Variants in ZBTB8A observed in about 807,000 individuals in gnomAD.
ZBTB8A encodes zinc finger and BTB domain containing 8A.
Under a neutral mutation model 37.8 loss-of-function variants are expected in ZBTB8A, and 19 were observed. The ratio of observed to expected loss-of-function variants is 0.50; its 90% CI spans 0.35 to 0.74. The LOEUF (loss-of-function observed/expected upper bound fraction) is 0.74, where lower values mean the gene tolerates loss of function less well. Ranked by LOEUF, ZBTB8A falls within the 30% of genes least tolerant of loss-of-function variation. ZBTB8A has a pLI of 0.01. For synonymous variants in ZBTB8A, 181 were observed against 185.2 expected (o/e 0.98, Z 0.19); for missense variants, 394 against 537.8 (o/e 0.73, Z 2.65).
intron 1 of ZBTB8A, among the ~76,000 whole-genome samples, chr1:32,547,500 G>A (rs1385629665): frequency 1.3e-5 from 2 of 151,008 alleles, no homozygotes; most frequent in African/African-American, 2.4e-5. Context: ...TGGGACTACA[G>A]GTTCGAGCCA....
Position 32,593,602 on chromosome 1 carries a change from AT to A in ZBTB8A, c.672del (p.Tyr224Ter). Reference sequence around the variant, plus strand: ...TCACAGCCTTCTGAAGTTACTCATTATAAGTCAAGCAAACGAGAAGTACGAA... The same window carrying A: ...TCACAGCCTTCTGAAGTTACTCATTAAAGTCAAGCAAACGAGAAGTACGAA... Reference protein sequence around the residue: ...RLSQPSEVTHYKSSKREVRTS... With the variant: ...RLSQPSEVTHXKSSKREVRTS... On this transcript the variant is annotated frameshift_variant, in exon 3 of 5. Coordinates refer to ENST00000373510, the MANE Select transcript of ZBTB8A (RefSeq NM_001040441.3). LOFTEE classifies it high-confidence loss of function. The A allele has an allele frequency of 6.2e-7, 1 of 1,614,258 alleles. No individual in the cohort carries two copies. Among genetic ancestry groups the A allele is most frequent in the Non-Finnish European group, 8.5e-7 (1 of 1,180,048 alleles).
chr1:32,553,435 A>G (rs1185362022), intron 1 of ZBTB8A, 24 bp from the exon 2 acceptor site: 1 of 152,168 alleles, frequency 6.6e-6, no homozygotes, highest in Non-Finnish European at 1.5e-5. Flanking sequence ...GTACATTATA[A>G]ATATCTGTTT....
intron 2 of ZBTB8A, among the ~76,000 whole-genome samples, chr1:32,579,304 G>T (rs549651491): frequency 2.4e-4 from 36 of 152,004 alleles, no homozygotes; most frequent in African/African-American, 8.4e-4. Flanking sequence ...ACAAAAATTA[G>T]CCGGGGCATG....
At chr1:32,552,773 GTT>G (rs1644167297) in intron 1 of ZBTB8A, among the ~76,000 whole-genome samples, 1 of 151,084 alleles carries the variant, frequency 6.6e-6, no homozygotes, top group African/African-American at 2.4e-5. Context: ...AGGTTAAAAA[GTT>G]ATATATATAA....
In ZBTB8A at chr1:32,600,378, G is replaced by A. The variant is rs779085000; in HGVS notation, c.1285G>A (p.Glu429Lys). Residue 429 changes from glutamate (E) to lysine (K), a missense_variant, in exon 5 of 5, where the codon GAA (glutamate) becomes AAA (lysine). Transcript: ENST00000373510. ...GGTCATCCAACAGGTTGATGATAGT[G>A]AAGAAGAAGAAGAAAAAGAAATTAA... ...DLVIQQVDDS[E>K]EEEEKEIKPN... 4 of 1,607,310 alleles carry A rather than the reference G, an allele frequency of 2.5e-6. No homozygotes were observed. The African/African-American group carries it at 5.4e-5, about 22-fold the overall frequency.
intron 2 of ZBTB8A, among the ~76,000 whole-genome samples, chr1:32,575,376 G>T (rs1369171877): frequency 6.6e-6 from 1 of 151,378 alleles, no homozygotes; most frequent in Non-Finnish European, 1.5e-5. Context: ...ACAGGTGCTT[G>T]CCACCACACC....
intron 4 of ZBTB8A, 56 bp from the exon 5 acceptor site, chr1:32,600,031 T>C: frequency 6.9e-7 from 1 of 1,440,290 alleles, no homozygotes; most frequent in Non-Finnish European, 9.5e-7. Flanking sequence ...ACCTAAAATA[T>C]CAAACTGTCC....
At chr1:32,567,263 C>CA (rs1466800944) in intron 2 of ZBTB8A, among the ~76,000 whole-genome samples, 4 of 152,082 alleles carry the variant, frequency 2.6e-5, no homozygotes, top group African/African-American at 9.7e-5. Flanking sequence ...TAAGAACTCA[C>CA]AATCACAAGA....
chr1:32,558,330 G>A (rs528663111), intron 2 of ZBTB8A, among the ~76,000 whole-genome samples: 1 of 151,342 alleles, frequency 6.6e-6, no homozygotes, highest in Non-Finnish European at 1.5e-5. Flanking sequence ...TTTTCTTCCT[G>A]TCTCACCCCT....
In ZBTB8A at chr1:32,604,886, C is replaced by T. The variant is rs1487970736; in HGVS notation, c.*4467C>T. On this transcript the variant is annotated 3_prime_UTR_variant, in exon 5 of 5. Transcript: ENST00000373510. Reference sequence around the variant, plus strand: ...GTTTAACTGGCCGGGCACGGTGGCTCATGCCTGTAATCCTAGCACTTTGGG... The same window carrying T: ...GTTTAACTGGCCGGGCACGGTGGCTTATGCCTGTAATCCTAGCACTTTGGG... The T allele has an allele frequency of 1.3e-5, 2 of 152,040 alleles. No individual in the cohort carries two copies. Among genetic ancestry groups the T allele is most frequent in the South Asian group, 2.1e-4 (1 of 4,830 alleles). The allele number at this position is 152,040 out of a possible 1,614,324, so 9.4% of individuals were successfully genotyped here.
At chr1:32,588,838 G>A (rs993347047) in intron 2 of ZBTB8A, among the ~76,000 whole-genome samples, 2 of 151,932 alleles carry the variant, frequency 1.3e-5, no homozygotes, top group Admixed American at 1.3e-4. Context: ...ACAAAAATTA[G>A]CTGGGTATGG....
At chr1:32,549,576 G>A (rs929268241) in intron 1 of ZBTB8A, among the ~76,000 whole-genome samples, 1 of 152,054 alleles carries the variant, frequency 6.6e-6, no homozygotes, top group Non-Finnish European at 1.5e-5. Flanking sequence ...GTAATTTAAG[G>A]GTCGACTAAC....
At chr1:32,544,014 T>C (rs1644081041) in intron 1 of ZBTB8A, among the ~76,000 whole-genome samples, 1 of 152,160 alleles carries the variant, frequency 6.6e-6, no homozygotes, top group African/African-American at 2.4e-5. Context: ...CTGTCACCCA[T>C]ACTGGATTGT....
intron 2 of ZBTB8A, among the ~76,000 whole-genome samples, chr1:32,563,385 G>A (rs1478692264): frequency 6.6e-6 from 1 of 152,184 alleles, no homozygotes; most frequent in East Asian, 1.9e-4. Flanking sequence ...AGGAAAAGTT[G>A]TAAGACCTGA....
At position 32,595,021 on chromosome 1, in the gene ZBTB8A, T is replaced by C. The variant is rs141038669; in HGVS notation, c.824-33T>C. On this transcript the variant is annotated intron_variant, in intron 3 of 4. Coordinates refer to ENST00000373510, the MANE Select transcript of ZBTB8A (RefSeq NM_001040441.3). ...TCTGTTATTAGAATTGTTATGAACT[T>C]TCCAGTGATTTAATCAAAGCGTCTC... 1.3e-3 allele frequency: 2,011 copies of C among 1,586,564 alleles called. 16 individuals are homozygous for C. The African/African-American group carries it at 0.019, about 15-fold the overall frequency.
At position 32,602,342 on chromosome 1, in the gene ZBTB8A, A is replaced by C. The variant is rs1032708164; in HGVS notation, c.*1923A>C. The C allele has an allele frequency of 2.6e-5, 4 of 152,252 alleles. No individual in the cohort carries two copies. The highest frequency in any genetic ancestry group is 6.6e-5 in the Admixed American group (1 of 15,222). 9.4% of individuals were successfully genotyped at this position (152,252 alleles called of 1,614,324 possible). The stretch of plus-strand genomic sequence containing the variant: ...AAACTCCGTCTCAAAAAAAAAAAAA[A>C]AAAAAACTTCTCCCCTGCATAAATT... On this transcript the variant is annotated 3_prime_UTR_variant, in exon 5 of 5. Coordinates refer to ENST00000373510, the MANE Select transcript of ZBTB8A (RefSeq NM_001040441.3).
intron 1 of ZBTB8A, among the ~76,000 whole-genome samples, chr1:32,551,421 C>CA (rs553866696): frequency 2.0e-4 from 29 of 148,700 alleles, no homozygotes; most frequent in South Asian, 4.3e-4. Flanking sequence ...GACTCTCTCT[C>CA]AAAAAAAAAA....
At chr1:32,563,960 G>A (rs988738669) in intron 2 of ZBTB8A, among the ~76,000 whole-genome samples, 8 of 152,108 alleles carry the variant, frequency 5.3e-5, no homozygotes, top group Non-Finnish European at 7.3e-5. Flanking sequence ...ATTGATACCA[G>A]AGCTGTATTT....
At chr1:32,573,945 G>A (rs1290720165) in intron 2 of ZBTB8A, among the ~76,000 whole-genome samples, 3 of 151,264 alleles carry the variant, frequency 2.0e-5, no homozygotes, top group African/African-American at 4.8e-5. Flanking sequence ...GTGTGGCAGC[G>A]CGTGCCTGTA....
Sources: gnomAD v4.1 joint callset for allele counts (sites outside exome capture counted in the v4.1 genomes callset) on GRCh38, gnomAD v4.1.1 for gene constraint, MANE v1.5 for transcripts, NCBI Gene and HGNC (gene_info 2026-07-23, HGNC 2026-07-21) for gene names.